ATP5F1A: variants seen among roughly 807,000 people sequenced by gnomAD.
ATP5F1A encodes the protein ATP synthase F(1) complex subunit alpha, mitochondrial.
In ATP5F1A, 24 loss-of-function variants were observed where a neutral mutation model predicts 57.4. That is an observed-to-expected ratio of 0.42 (90% CI 0.30 to 0.59). The LOEUF is 0.59. Among genes scored for constraint, ATP5F1A ranks in the 20% least tolerant of loss-of-function variants. The pLI, the probability that ATP5F1A is intolerant of heterozygous loss-of-function variation, is 0.19. For synonymous variants in ATP5F1A, 251 were observed against 255.5 expected (o/e 0.98, Z 0.17); for missense variants, 494 against 707.9 (o/e 0.70, Z 3.43).
At chr18:46,090,418 A>G (rs1292150765) in intron 3 of ATP5F1A, among the ~76,000 whole-genome samples, 3 of 152,238 alleles carry the variant, frequency 2.0e-5, no homozygotes, top group Non-Finnish European at 2.9e-5. Context: ...GAAGCTCCAT[A>G]AACAGTTTCA....
upstream of ATP5F1A, among the ~76,000 whole-genome samples, chr18:46,099,151 CCTA>C (rs1911187434): frequency 1.3e-5 from 2 of 152,192 alleles, no homozygotes; most frequent in Admixed American, 1.3e-4. Context: ...CATTGCCAAT[CCTA>C]CTGAGAATTG....
At chr18:46,087,773 G>A (rs1051851040) in intron 6 of ATP5F1A, 13 of 436,610 alleles carry the variant, frequency 3.0e-5, no homozygotes, top group South Asian at 5.5e-5. Context: ...CCAGCTACTC[G>A]GGAGGCTGAG....
rs1909837071 is a variant in ATP5F1A at position 46,082,808 on chromosome 18, T to A, written c.*1474A>T. On this transcript the variant is annotated 3_prime_UTR_variant, in exon 12 of 12. Coordinates refer to ENST00000398752, the MANE Select transcript of ATP5F1A (RefSeq NM_004046.6). ...GCTCACACCTGTAATCCCAGCACTTTGGGAAGCTGAGGCGGGCAGACCACG... is the reference window on the plus strand; with the variant it reads ...GCTCACACCTGTAATCCCAGCACTTAGGGAAGCTGAGGCGGGCAGACCACG... 1 of 151,046 alleles carries A rather than the reference T, an allele frequency of 6.6e-6. No individual in the cohort carries two copies. The highest frequency in any genetic ancestry group is 1.5e-5 in the Non-Finnish European group (1 of 67,710). 9.4% of individuals were successfully genotyped at this position (151,046 alleles called of 1,614,324 possible).
intron 1 of ATP5F1A, among the ~76,000 whole-genome samples, chr18:46,096,699 C>T (rs1168910780): frequency 6.6e-6 from 1 of 150,978 alleles, no homozygotes; most frequent in Non-Finnish European, 1.5e-5. Flanking sequence ...CGACAACAAG[C>T]GGCCGGGCAC....
intron 1 of ATP5F1A, among the ~76,000 whole-genome samples, chr18:46,097,003 A>C (rs1267303861): frequency 2.7e-5 from 4 of 149,092 alleles, no homozygotes; most frequent in Admixed American, 6.7e-5. Context: ...AAAAAAAAAA[A>C]AAACAAGCAA....
chr18:46,098,250 G>T lies in ATP5F1A; in HGVS notation c.-19C>A. On this transcript the variant is annotated 5_prime_UTR_variant, in exon 1 of 12. The change creates a new upstream start codon in the 5' untranslated region. Transcript: ENST00000398752. ...ACAGCATCTTTGCAGTTACTCCGCA[G>T]GCGGTACTTCTGCAGCCGCAGCCTC... The T allele has an allele frequency of 1.2e-6, 2 of 1,602,476 alleles. No homozygotes were observed. Among genetic ancestry groups the T allele is most frequent in the Admixed American group, 3.3e-5 (2 of 59,782 alleles).
chr18:46,091,334 A>C (rs1723241651), intron 3 of ATP5F1A, among the ~76,000 whole-genome samples: 1 of 152,248 alleles, frequency 6.6e-6, no homozygotes, highest in African/African-American at 2.4e-5. Context: ...AATTTCCACC[A>C]GAAAAATTTT....
intron 1 of ATP5F1A, 49 bp from the exon 2 acceptor site, chr18:46,095,180 A>G: frequency 6.4e-7 from 1 of 1,570,860 alleles, no homozygotes. Flanking sequence ...AAGCCTTTAT[A>G]AAACTTACAA....
rs2144159196 is a variant in ATP5F1A, at chr18:46,081,760, C to G, written c.*2522G>C. 1 of 147,198 alleles carries G rather than the reference C, an allele frequency of 6.8e-6. No individual in the cohort carries two copies. Among genetic ancestry groups the G allele is most frequent in the African/African-American group, 2.5e-5 (1 of 40,360 alleles). The allele number at this position is 147,198 out of a possible 1,614,324, so 9.1% of individuals were successfully genotyped here. A position where few individuals can be genotyped will look rare whatever the true frequency, so the allele number is the denominator to read the frequency against. On this transcript the variant is annotated 3_prime_UTR_variant, in exon 12 of 12. Coordinates refer to ENST00000398752, the MANE Select transcript of ATP5F1A (RefSeq NM_004046.6). ...TTATTTCAGAAAAGGAAAATCAGAT[C>G]TAGAAGTTATTTCTCAAGTAGCTAG...
chr18:46,084,076 A>G lies in ATP5F1A; in HGVS notation c.*206T>C, dbSNP rs1909910222. 2 of 495,164 alleles carry G rather than the reference A, an allele frequency of 4.0e-6. No homozygotes were observed. The highest frequency in any genetic ancestry group is 7.0e-6 in the Non-Finnish European group (2 of 284,614). 30.7% of individuals were successfully genotyped at this position (495,164 alleles called of 1,614,324 possible). A position where few individuals can be genotyped will look rare whatever the true frequency, so the allele number is the denominator to read the frequency against. ...ACCAATATTCAAGTAAAATAGATCA[A>G]GAAGCATTTGCTTACCAATTTCTCA... On this transcript the variant is annotated 3_prime_UTR_variant, in exon 12 of 12. Transcript: ENST00000398752.
upstream of ATP5F1A, chr18:46,098,526 T>G: frequency 8.4e-5 from 43 of 510,742 alleles, no homozygotes; most frequent in Non-Finnish European, 1.0e-4. Context: ...GAGTCGACCT[T>G]GTGGTTGCCC....
chr18:46,096,340 G>GA (rs1270071853), intron 1 of ATP5F1A, among the ~76,000 whole-genome samples: 1 of 150,688 alleles, frequency 6.6e-6, no homozygotes, highest in Admixed American at 6.6e-5. Flanking sequence ...GTCTCTACTA[G>GA]AAATACAAAA....
At chr18:46,100,737 T>G (rs191550689), upstream of ATP5F1A, among the ~76,000 whole-genome samples, 2 of 152,238 alleles carry the variant, frequency 1.3e-5, no homozygotes, top group Admixed American at 6.5e-5. Context: ...AAACGATCCT[T>G]AGAGTCACTG....
intron 6 of ATP5F1A, 29 bp downstream of exon 6, chr18:46,088,059 CAGCAATGGGACTTAAGATAAT>C: frequency 6.4e-7 from 1 of 1,566,356 alleles, no homozygotes; most frequent in Non-Finnish European, 8.6e-7. Flanking sequence ...CTACAATCAG[CAGCAATGGGACTTAAGATAAT>C]AGCAATGGGA....
In ATP5F1A at chr18:46,087,149, G is replaced by A. The variant is rs745948449; in HGVS notation, c.1035C>T (p.His345=). The A allele has an allele frequency of 1.7e-5, 27 of 1,614,094 alleles. No individual in the cohort carries two copies. Among genetic ancestry groups the A allele is most frequent in the Non-Finnish European group, 2.2e-5 (26 of 1,180,048 alleles). Residue 345 remains histidine, a synonymous_variant, in exon 8 of 12, where the codon CAC becomes CAT. Coordinates refer to ENST00000398752, the MANE Select transcript of ATP5F1A (RefSeq NM_004046.6). The part of the protein sequence containing the change: ...EAYPGDVFYL[H]SRLLERAAKM... The stretch of plus-strand genomic sequence containing the variant: ...TGGCTGCTCTCTCCAGCAACCGGGA[G>A]TGTAGGTAGAACACATCACCAGGAT...
chr18:46,095,596 C>T (rs541341011), intron 1 of ATP5F1A, among the ~76,000 whole-genome samples: 17 of 151,952 alleles, frequency 1.1e-4, no homozygotes, highest in African/African-American at 2.9e-4. Context: ...GAACTATAGG[C>T]GTGAGCACCG....
intron 1 of ATP5F1A, among the ~76,000 whole-genome samples, chr18:46,097,667 C>T (rs1331307347): frequency 1.3e-5 from 2 of 151,624 alleles, no homozygotes; most frequent in Non-Finnish European, 2.9e-5. Flanking sequence ...CAAAAACCAC[C>T]TTCATTTATT....
At position 46,098,295 on chromosome 18, in the gene ATP5F1A, T is replaced by A; in HGVS notation, c.-64A>T. 1.3e-6 allele frequency: 2 copies of A among 1,514,432 alleles called. No homozygotes were observed. The highest frequency in any genetic ancestry group is 2.4e-5 in the South Asian group (2 of 82,984). 93.8% of individuals were successfully genotyped at this position (1,514,432 alleles called of 1,614,324 possible). ...AGCCTCCGGACTGACTGGGACAAAA[T>A]GGCCGAGCCGCAAAGAAGGTCAAGA... is the stretch of plus-strand genomic sequence containing the variant. On this transcript the variant is annotated 5_prime_UTR_variant, in exon 1 of 12. Transcript: ENST00000398752.
upstream of ATP5F1A, among the ~76,000 whole-genome samples, chr18:46,100,863 A>C (rs181236955): frequency 1.2e-3 from 177 of 152,172 alleles, 1 homozygote; most frequent in South Asian, 3.1e-3. Flanking sequence ...ACCTGAGGTC[A>C]GGAGTTCAAG....
Sources: allele counts gnomAD v4.1 joint callset (sites outside exome capture counted in the v4.1 genomes callset), GRCh38; gene constraint gnomAD v4.1.1; transcripts MANE v1.5; gene names NCBI Gene and HGNC (gene_info 2026-07-23, HGNC 2026-07-21).